Variants in LRBA observed in about 807,000 individuals in gnomAD.
The protein encoded by LRBA is lipopolysaccharide-responsive and beige-like anchor protein.
LRBA carries 176 observed loss-of-function variants against 330.0 expected under a neutral mutation model. That is an observed-to-expected ratio of 0.53 (90% CI 0.47 to 0.60). The LOEUF (loss-of-function observed/expected upper bound fraction) is 0.60, where lower values mean the gene tolerates loss of function less well. Among genes scored for constraint, LRBA ranks in the 20% least tolerant of loss-of-function variants. The probability of loss-of-function intolerance (pLI) is 0.00; values close to 1 mark genes in which losing one functional copy is unlikely to be tolerated. For synonymous variants in LRBA, 1,230 were observed against 1,193.0 expected, an observed-to-expected ratio of 1.03 and a Z score of -0.64; for missense variants, 3,259 against 3,444.8, an observed-to-expected ratio of 0.95 and a Z score of 1.35.
At chr4:150,592,675 C>A (rs1455912724) in intron 38 of LRBA, among the ~76,000 whole-genome samples, 1 of 152,130 alleles carries the variant, frequency 6.6e-6, no homozygotes, top group Non-Finnish European at 1.5e-5. Context: ...TGCTCTGTCA[C>A]CCAGGCTGGA....
At chr4:150,563,378 A>T (rs1768641047) in intron 40 of LRBA, among the ~76,000 whole-genome samples, 1 of 152,164 alleles carries the variant, frequency 6.6e-6, no homozygotes, top group African/African-American at 2.4e-5. Flanking sequence ...AACTCTCAAT[A>T]AACTAGGTAT....
intron 48 of LRBA, among the ~76,000 whole-genome samples, chr4:150,334,265 G>A (rs982016166): frequency 6.6e-6 from 1 of 151,902 alleles, no homozygotes; most frequent in Non-Finnish European, 1.5e-5. Flanking sequence ...ACCAGGATAT[G>A]GAATATTTAA....
At chr4:150,982,907 TG>T (rs1741015740) in intron 2 of LRBA, among the ~76,000 whole-genome samples, 1 of 152,168 alleles carries the variant, frequency 6.6e-6, no homozygotes, top group Admixed American at 6.5e-5. Flanking sequence ...GGTGCAGAAC[TG>T]GAAAGTGGGA....
In LRBA at chr4:150,583,194, C is replaced by T; in HGVS notation, c.6330+4854G>A. ...TGCAGGAGCCTCGCTTCATCAGCTC[C>T]TTGAGCGAGATCGATGCCCGCTACG... is the stretch of plus-strand genomic sequence containing the variant. On this transcript the variant is annotated intron_variant, in intron 40 of 56. Transcript: ENST00000651943. This position sits in a 1 kb window ranked among gnomAD's most constrained non-coding sequence, Gnocchi z 9.8. 6.2e-7 allele frequency: 1 copy of T among 1,614,246 alleles called. No homozygotes were observed. The highest frequency in any genetic ancestry group is 8.5e-7 in the Non-Finnish European group (1 of 1,180,044).
chr4:150,689,394 A>T (rs1783915434), intron 36 of LRBA, among the ~76,000 whole-genome samples: 1 of 152,090 alleles, frequency 6.6e-6, no homozygotes, highest in Admixed American at 6.6e-5. Context: ...ACCACAATGG[A>T]ACATGTATAA....
chr4:150,666,606 G>A (rs991665357), intron 37 of LRBA, among the ~76,000 whole-genome samples: 2 of 152,150 alleles, frequency 1.3e-5, no homozygotes, highest in Non-Finnish European at 2.9e-5. Flanking sequence ...GTAATCTAGA[G>A]ATGATACAGC....
At chr4:150,405,048 G>A (rs1745999376) in intron 47 of LRBA, among the ~76,000 whole-genome samples, 1 of 152,120 alleles carries the variant, frequency 6.6e-6, no homozygotes, top group Non-Finnish European at 1.5e-5. Context: ...GAGGCATTGG[G>A]TCATTCCTCA....
Position 150,859,398 on chromosome 4 carries a change from G to A in LRBA, c.2767-6455C>T, listed in dbSNP as rs561490146. ...CCTTAATTTAAATTTTAATTAATGA[G>A]TAAAAGCATTTTATCATACCAAGTG... On this transcript the variant is annotated intron_variant, in intron 22 of 56. Transcript: ENST00000651943. Among the ~76,000 whole-genome samples, 53 of 152,088 alleles carry A rather than the reference G, an allele frequency of 3.5e-4. 1 individual carries two copies. In the South Asian group the frequency reaches 0.01, roughly 29 times the overall value.
At chr4:150,480,851 ATCC>A (rs1757218384) in intron 42 of LRBA, among the ~76,000 whole-genome samples, 1 of 152,100 alleles carries the variant, frequency 6.6e-6, no homozygotes, top group South Asian at 2.1e-4. Flanking sequence ...AACAGTCAAA[ATCC>A]TCCTCCTAGC....
chr4:150,653,595 C>T (rs1422758797), intron 37 of LRBA, among the ~76,000 whole-genome samples: 2 of 152,040 alleles, frequency 1.3e-5, no homozygotes, highest in East Asian at 1.9e-4. Context: ...TGAGAGGGCC[C>T]GCTGCTACCA....
intron 38 of LRBA, among the ~76,000 whole-genome samples, chr4:150,591,101 G>A (rs1772771691): frequency 6.6e-6 from 1 of 152,118 alleles, no homozygotes; most frequent in Non-Finnish European, 1.5e-5. Context: ...CCCCTGCACT[G>A]CTCACCAAAC....
chr4:150,395,242 A>G (rs941584435), intron 47 of LRBA, among the ~76,000 whole-genome samples: 2 of 152,146 alleles, frequency 1.3e-5, no homozygotes, highest in African/African-American at 2.4e-5. Flanking sequence ...TTACTGTAAC[A>G]TGTCTAAAAC....
intron 44 of LRBA, among the ~76,000 whole-genome samples, chr4:150,461,941 A>G (rs1306660589): frequency 6.6e-6 from 1 of 151,832 alleles, no homozygotes; most frequent in Non-Finnish European, 1.5e-5. Flanking sequence ...AAAATAATAA[A>G]TCACAGGTAC....
At chr4:150,975,136 A>G (rs1289225905) in intron 2 of LRBA, among the ~76,000 whole-genome samples, 1 of 152,246 alleles carries the variant, frequency 6.6e-6, no homozygotes, top group Non-Finnish European at 1.5e-5. Context: ...ACAACAATAA[A>G]CAGATAAAAA....
At chr4:150,889,769 C>A (rs568734896) in intron 17 of LRBA, among the ~76,000 whole-genome samples, 1 of 152,262 alleles carries the variant, frequency 6.6e-6, no homozygotes, top group Non-Finnish European at 1.5e-5. Flanking sequence ...TGGGCCATAT[C>A]ATCTCTGTTA....
chr4:150,945,083 C>T lies in LRBA; in HGVS notation c.217-16018G>A, dbSNP rs539992409. ...TTACCCAGTCTCGGTTATTTCTTCA[C>T]AGCAGTATGAAAATGGACTAATACA... On this transcript the variant is annotated intron_variant, in intron 2 of 56. Transcript: ENST00000651943. Among the ~76,000 whole-genome samples the T allele has an allele frequency of 3.9e-5, 6 of 152,258 alleles. No homozygotes were observed. The South Asian group carries it at 1.0e-3, about 26-fold the overall frequency.
intron 44 of LRBA, among the ~76,000 whole-genome samples, chr4:150,466,013 A>C (rs181321771): frequency 3.0e-4 from 45 of 152,192 alleles, no homozygotes; most frequent in Admixed American, 1.6e-3. Context: ...TTTCTAGATA[A>C]AGAAAAGAGC....
intron 46 of LRBA, among the ~76,000 whole-genome samples, chr4:150,429,774 T>C (rs1431628588): frequency 6.6e-6 from 1 of 152,126 alleles, no homozygotes; most frequent in African/African-American, 2.4e-5. Flanking sequence ...TGTTTATATC[T>C]TACTATATAA....
intron 38 of LRBA, among the ~76,000 whole-genome samples, chr4:150,597,872 T>G (rs1773682617): frequency 6.6e-6 from 1 of 152,134 alleles, no homozygotes. Flanking sequence ...AGACTATTAT[T>G]GCTTTTAGAT....
Sources: allele counts gnomAD v4.1 joint callset (sites outside exome capture counted in the v4.1 genomes callset), GRCh38; gene constraint gnomAD v4.1.1; non-coding constraint Gnocchi (gnomAD v3.1); transcripts MANE v1.5; gene names NCBI Gene and HGNC (gene_info 2026-07-23, HGNC 2026-07-21).